The following SPTLC1 variants were observed in gnomAD, a reference collection of about 807,000 sequenced individuals.
SPTLC1 encodes the protein serine palmitoyltransferase 1.
Under a neutral mutation model 68.9 loss-of-function variants are expected in SPTLC1, and 55 were observed. That is an observed-to-expected ratio of 0.80 (90% confidence interval 0.64 to 1.00). SPTLC1 has a LOEUF of 1.00. Among genes scored for constraint, SPTLC1 ranks in the 50% least tolerant of loss-of-function variants. SPTLC1 has a pLI of 0.00. For synonymous variants in SPTLC1, 197 were observed against 201.6 expected (o/e 0.98, Z 0.19); for missense variants, 449 against 573.1 (o/e 0.78, Z 2.21).
chr9:92,079,975 T>C (rs1381195412), intron 5 of SPTLC1, 41 bp downstream of exon 5: 1 of 1,533,030 alleles, frequency 6.5e-7, no homozygotes, highest in Non-Finnish European at 9.0e-7. Context: ...ATCTTAACTA[T>C]TGAAAGCAGT....
At chr9:92,079,226 C>T in intron 5 of SPTLC1, 2 of 443,112 alleles carry the variant, frequency 4.5e-6, no homozygotes, top group South Asian at 3.0e-5. Flanking sequence ...CAGGTATCCA[C>T]CACCACGCCC....
rs1369613361 is a variant in SPTLC1 at position 92,032,500 on chromosome 9, T to C, written c.1387A>G (p.Thr463Ala). 3 of 1,614,042 alleles carry C rather than the reference T, an allele frequency of 1.9e-6. No homozygotes were observed. The highest frequency in any genetic ancestry group is 1.3e-5 in the African/African-American group (1 of 74,912). ...TEEELERAAS[T>A]IKEVAQAVLL ...ACGGCCTGGGCTACCTCCTTGATGG[T>C]GGACGCAGCTCTCTCCAGTTCTTCC... Residue 463 changes from threonine (T) to alanine (A), a missense_variant, in exon 15 of 15, where the codon ACC becomes GCC. By Grantham distance (58) the Thr-to-Ala change is moderately conservative (BLOSUM62 0). Transcript: ENST00000262554.
chr9:92,056,135 C>T (rs1245373893), intron 7 of SPTLC1, among the ~76,000 whole-genome samples: 1 of 152,214 alleles, frequency 6.6e-6, no homozygotes, highest in African/African-American at 2.4e-5. Flanking sequence ...AGGGGCAACC[C>T]TGTTCCCTCC....
intron 8 of SPTLC1, among the ~76,000 whole-genome samples, chr9:92,051,490 A>G (rs1473729444): frequency 6.6e-6 from 1 of 152,238 alleles, no homozygotes; most frequent in African/African-American, 2.4e-5. Context: ...ATAAAAGGTT[A>G]TTATAAAAAA....
chr9:92,054,839 G>A (rs533648424), intron 8 of SPTLC1, among the ~76,000 whole-genome samples: 67 of 152,168 alleles, frequency 4.4e-4, no homozygotes, highest in Admixed American at 3.9e-3. Context: ...CTTGAACCTC[G>A]GGGAGGAGGT....
At chr9:92,063,109 T>C (rs1419990035) in intron 6 of SPTLC1, among the ~76,000 whole-genome samples, 1 of 152,048 alleles carries the variant, frequency 6.6e-6, no homozygotes, top group East Asian at 1.9e-4. Context: ...ATCAATAAAA[T>C]TGACAGACCT....
chr9:92,051,062 C>T (rs988590040), intron 8 of SPTLC1: 3 of 984,938 alleles, frequency 3.0e-6, no homozygotes, highest in African/African-American at 3.5e-5. Flanking sequence ...TTACTGTAGC[C>T]CTATAATATA....
chr9:92,074,062 T>A (rs896857561), intron 5 of SPTLC1, among the ~76,000 whole-genome samples: 10 of 151,170 alleles, frequency 6.6e-5, no homozygotes, highest in African/African-American at 2.2e-4. Flanking sequence ...CCTTCCCAGA[T>A]CTCCTCGGCT....
chr9:92,046,623 G>A (rs1213803661), intron 11 of SPTLC1, among the ~76,000 whole-genome samples: 1 of 152,082 alleles, frequency 6.6e-6, no homozygotes. Flanking sequence ...CTCCCTTTCC[G>A]TTTTAAGCTT....
chr9:92,077,155 C>T (rs1296406626), intron 5 of SPTLC1: 1 of 152,282 alleles, frequency 6.6e-6, no homozygotes, highest in East Asian at 1.9e-4. Context: ...TCGAGCCACA[C>T]CCTGGGAACC....
intron 6 of SPTLC1, among the ~76,000 whole-genome samples, chr9:92,067,703 G>A (rs1049984122): frequency 6.6e-6 from 1 of 152,184 alleles, no homozygotes; most frequent in African/African-American, 2.4e-5. Context: ...CACAGCCACA[G>A]AGCTGCACAA....
intron 12 of SPTLC1, among the ~76,000 whole-genome samples, chr9:92,043,109 A>C (rs1056628265): frequency 6.6e-6 from 1 of 152,090 alleles, no homozygotes; most frequent in Non-Finnish European, 1.5e-5. Context: ...ATTTTACCCC[A>C]CACTCCCCTG....
intron 7 of SPTLC1, among the ~76,000 whole-genome samples, chr9:92,056,531 C>T (rs901386248): frequency 1.1e-4 from 17 of 152,078 alleles, no homozygotes; most frequent in Middle Eastern, 3.4e-3. Context: ...CGGCAGAGAT[C>T]TTTTCAAAAA....
At chr9:92,072,706 G>A (rs1303662539) in intron 5 of SPTLC1, among the ~76,000 whole-genome samples, 1 of 151,934 alleles carries the variant, frequency 6.6e-6, no homozygotes, top group African/African-American at 2.4e-5. Context: ...ATTAGACAAT[G>A]GCTCTCAGCG....
At chr9:92,061,577 T>C (rs980620214) in intron 6 of SPTLC1, among the ~76,000 whole-genome samples, 2 of 152,136 alleles carry the variant, frequency 1.3e-5, no homozygotes, top group South Asian at 4.1e-4. Context: ...GCACAGTAAG[T>C]AAAAAATATG....
chr9:92,061,497 CA>C (rs1454011112), intron 6 of SPTLC1, among the ~76,000 whole-genome samples: 5 of 151,964 alleles, frequency 3.3e-5, no homozygotes, highest in African/African-American at 1.2e-4. Flanking sequence ...AAGAAATGGC[CA>C]AAGGAAGCCT....
intron 5 of SPTLC1, among the ~76,000 whole-genome samples, chr9:92,073,962 C>T (rs1014788097): frequency 6.6e-5 from 10 of 152,240 alleles, no homozygotes; most frequent in African/African-American, 1.7e-4. Flanking sequence ...CTAAGCCATG[C>T]CCCTGTGTGG....
intron 8 of SPTLC1, chr9:92,050,907 G>C (rs1015131630): frequency 1.3e-6 from 1 of 799,854 alleles, no homozygotes; most frequent in African/African-American, 2.1e-5. Context: ...TGACCTCCTG[G>C]GCTCAAGTGA....
intron 3 of SPTLC1, among the ~76,000 whole-genome samples, chr9:92,097,382 TTTA>T (rs1267867169): frequency 1.1e-4 from 16 of 152,350 alleles, no homozygotes; most frequent in African/African-American, 3.1e-4. Flanking sequence ...TCATAGCAGT[TTTA>T]TTATTTTTTA....
Sources: allele counts gnomAD v4.1 joint callset (sites outside exome capture counted in the v4.1 genomes callset), GRCh38; gene constraint gnomAD v4.1.1; transcripts MANE v1.5; gene names NCBI Gene and HGNC (gene_info 2026-07-23, HGNC 2026-07-21).